TASP1: variants seen among roughly 807,000 people sequenced by gnomAD.
The protein encoded by TASP1 is threonine aspartase 1.
A neutral mutation model predicts 56.6 loss-of-function variants in TASP1; 16 were observed. The ratio of observed to expected loss-of-function variants is 0.28; its 90% CI spans 0.19 to 0.43. The LOEUF is 0.43. Among genes scored for constraint, TASP1 ranks in the 20% least tolerant of loss-of-function variants. The pLI is 1.00. For synonymous variants in TASP1, 179 were observed against 184.2 expected (o/e 0.97, Z 0.23); for missense variants, 393 against 511.6 (o/e 0.77, Z 2.24).
intron 11 of TASP1, among the ~76,000 whole-genome samples, chr20:13,469,803 T>C (rs1218966056): frequency 1.0e-5 from 1 of 99,196 alleles, no homozygotes; most frequent in African/African-American, 4.7e-5. Context: ...TTTTTTTTTT[T>C]TTTTTTTTTT....
chr20:13,277,193 T>TA, the TASP1 span, among the ~76,000 whole-genome samples: 977 of 152,332 alleles, frequency 6.4e-3, 13 homozygotes, highest in African/African-American at 0.022. Flanking sequence ...AAATTGTTTT[T>TA]ATTCCCAGCT....
At chr20:13,359,422 AGCAGCTGAAGACT>A in the TASP1 span, among the ~76,000 whole-genome samples, 3 of 151,796 alleles carry the variant, frequency 2.0e-5, no homozygotes, top group Non-Finnish European at 1.5e-5. Flanking sequence ...TTCTCGGCTT[AGCAGCTGAAGACT>A]GACACTGCCC....
chr20:13,117,760 T>C, the TASP1 span: 8 of 1,565,428 alleles, frequency 5.1e-6, no homozygotes, highest in African/African-American at 6.8e-5. Flanking sequence ...GTTTAAAACC[T>C]GAGCGCCCTG....
chr20:13,289,557 G>A, the TASP1 span, among the ~76,000 whole-genome samples: 4 of 152,138 alleles, frequency 2.6e-5, no homozygotes, highest in African/African-American at 4.8e-5. Flanking sequence ...GGTCTGGCTC[G>A]AGACCTGTTT....
intron 6 of TASP1, among the ~76,000 whole-genome samples, chr20:13,569,885 G>A (rs1434155984): frequency 3.3e-5 from 5 of 152,216 alleles, no homozygotes; most frequent in Admixed American, 3.3e-4. Context: ...AAAACATTAA[G>A]ATTTATCTTG....
chr20:13,278,099 G>A, the TASP1 span, among the ~76,000 whole-genome samples: 1 of 152,278 alleles, frequency 6.6e-6, no homozygotes, highest in Admixed American at 6.5e-5. Context: ...GCATGTTTCT[G>A]ATTCATTTGC....
the TASP1 span, among the ~76,000 whole-genome samples, chr20:13,105,259 T>C: frequency 7.2e-6 from 1 of 138,958 alleles, no homozygotes; most frequent in Admixed American, 7.1e-5. Flanking sequence ...GTTCATCCCC[T>C]GCAGGAGGAA....
the TASP1 span, among the ~76,000 whole-genome samples, chr20:13,236,168 C>G: frequency 6.6e-6 from 1 of 152,124 alleles, no homozygotes; most frequent in African/African-American, 2.4e-5. Context: ...TGTGATCCAC[C>G]CACCTCGGCC....
At chr20:13,282,832 C>A in the TASP1 span, among the ~76,000 whole-genome samples, 3 of 152,164 alleles carry the variant, frequency 2.0e-5, no homozygotes, top group African/African-American at 7.2e-5. Flanking sequence ...AGGGCAGAAG[C>A]CTGGGCGAAG....
chr20:13,416,383 G>A (rs543457253), intron 13 of TASP1, among the ~76,000 whole-genome samples: 1 of 152,290 alleles, frequency 6.6e-6, no homozygotes, highest in African/African-American at 2.4e-5. Flanking sequence ...AGCAAAGGGG[G>A]AGGGTGGATC....
chr20:13,165,632 G>A, the TASP1 span: 1 of 152,192 alleles, frequency 6.6e-6, no homozygotes. Context: ...GACTAAAATG[G>A]TAGTTACAAC....
At chr20:13,587,877 A>C (rs915550132) in intron 4 of TASP1, among the ~76,000 whole-genome samples, 2 of 152,098 alleles carry the variant, frequency 1.3e-5, no homozygotes, top group Non-Finnish European at 2.9e-5. Flanking sequence ...TGTAATCCCA[A>C]CACTTAGGGA....
chr20:13,492,152 CT>C (rs1388505995), intron 10 of TASP1, among the ~76,000 whole-genome samples: 2 of 152,170 alleles, frequency 1.3e-5, no homozygotes, highest in African/African-American at 2.4e-5. Flanking sequence ...TTCAGTACCC[CT>C]GGCACACCAC....
At chr20:13,185,714 C>A in the TASP1 span, among the ~76,000 whole-genome samples, 1 of 152,134 alleles carries the variant, frequency 6.6e-6, no homozygotes, top group Non-Finnish European at 1.5e-5. Context: ...CCTTACATTA[C>A]CTTCTCATAG....
At chr20:13,456,580 G>A in intron 11 of TASP1, among the ~76,000 whole-genome samples, 1 of 152,104 alleles carries the variant, frequency 6.6e-6, no homozygotes, top group Admixed American at 6.6e-5. Context: ...TAAATGGCTG[G>A]TATCACTGCT....
chr20:13,410,859 T>A (rs563916477), intron 13 of TASP1, among the ~76,000 whole-genome samples: 2 of 152,304 alleles, frequency 1.3e-5, no homozygotes, highest in South Asian at 4.1e-4. Context: ...CTTTTGGGAT[T>A]TTTTGTCTGT....
At chr20:13,274,072 T>C in the TASP1 span, among the ~76,000 whole-genome samples, 1 of 151,578 alleles carries the variant, frequency 6.6e-6, no homozygotes, top group Middle Eastern at 3.2e-3. Context: ...TGTGTGTGTG[T>C]GTGTGTATGT....
intron 11 of TASP1, among the ~76,000 whole-genome samples, chr20:13,472,870 C>A (rs902629396): frequency 6.6e-6 from 1 of 151,716 alleles, no homozygotes; most frequent in East Asian, 1.9e-4. Context: ...AATAGGAACG[C>A]TTTTACACTG....
At chr20:13,182,095 T>C in the TASP1 span, among the ~76,000 whole-genome samples, 1 of 152,216 alleles carries the variant, frequency 6.6e-6, no homozygotes, top group African/African-American at 2.4e-5. Flanking sequence ...AGATCTCACC[T>C]GTGGGCTTCC....
Sources: gnomAD v4.1 joint callset for allele counts (sites outside exome capture counted in the v4.1 genomes callset) on GRCh38, gnomAD v4.1.1 for gene constraint, MANE v1.5 for transcripts, NCBI Gene and HGNC (gene_info 2026-07-23, HGNC 2026-07-21) for gene names.